The following BICRAL variants were observed in gnomAD, a reference collection of about 807,000 sequenced individuals.
BICRAL encodes BICRA like chromatin remodeling complex associated protein, also known as BRD4-interacting chromatin-remodeling complex-associated protein-like.
Under a neutral mutation model 91.8 loss-of-function variants are expected in BICRAL, and 8 were observed. The observed-to-expected ratio is 0.09, with a 90% confidence interval of 0.05 to 0.16. BICRAL has a LOEUF of 0.16. Ranked by LOEUF, BICRAL falls within the 10% of genes least tolerant of loss-of-function variation. BICRAL has a pLI of 1.00. For synonymous variants in BICRAL, 445 were observed against 491.1 expected, an observed-to-expected ratio of 0.91 and a Z score of 1.24; for missense variants, 1,038 against 1,310.9, an observed-to-expected ratio of 0.79 and a Z score of 3.21.
intron 6 of BICRAL, among the ~76,000 whole-genome samples, chr6:42,840,219 T>TTTTG (rs143931324): frequency 0.021 from 3,228 of 150,374 alleles, 37 homozygotes; most frequent in Non-Finnish European, 0.031. Context: ...TTTTGTTCTT[T>TTTTG]TTTGTTTGTT....
chr6:42,752,016 A>G (rs796944889), intron 1 of BICRAL, among the ~76,000 whole-genome samples: 4 of 151,634 alleles, frequency 2.6e-5, no homozygotes, highest in African/African-American at 9.7e-5. Context: ...ATCTTTCAGC[A>G]AGTCTTGACT....
Position 42,828,932 on chromosome 6 carries a change from A to G in BICRAL, c.599A>G (p.His200Arg), listed in dbSNP as rs368277645. The part of the protein sequence containing the change: ...QHVGISVPSQ[H>R]LSNSSQISGS... ...GTGGGGATCAGTGTTCCCAGCCAGC[A>G]TTTGTCTAATAGCAGTCAGATTAGT... The change falls in exon 6 of 13, where the codon CAT becomes CGT. Residue 200 changes from histidine to arginine, a missense_variant. Transcript: ENST00000314073. 28 of 1,614,044 alleles carry G rather than the reference A, an allele frequency of 1.7e-5. No homozygotes were observed. Among genetic ancestry groups the G allele is most frequent in the Middle Eastern group, 1.6e-4 (1 of 6,084 alleles).
rs899572082 is a variant in BICRAL, at chr6:42,821,936, A to G, written c.-5-82A>G. ...ACAGTTATTTATCCAGAAAAGTGTAAGGCATACTTTTGTATTGCATTGATA... is the reference window on the plus strand; with the variant it reads ...ACAGTTATTTATCCAGAAAAGTGTAGGGCATACTTTTGTATTGCATTGATA... On this transcript the variant is annotated intron_variant, in intron 2 of 12. Coordinates refer to ENST00000314073, the MANE Select transcript of BICRAL (RefSeq NM_001393499.1). The G allele has an allele frequency of 2.9e-5, 22 of 767,696 alleles. No homozygotes were observed. The African/African-American group carries it at 3.8e-4, about 13-fold the overall frequency. The allele number at this position is 767,696 out of a possible 1,614,324, so 47.6% of individuals were successfully genotyped here.
intron 5 of BICRAL, among the ~76,000 whole-genome samples, chr6:42,827,506 T>A (rs1764338329): frequency 6.6e-6 from 1 of 152,246 alleles, no homozygotes; most frequent in South Asian, 2.1e-4. Flanking sequence ...GAGTATTAAT[T>A]CTATCTTTTC....
At chr6:42,784,102 A>T (rs577594509) in intron 1 of BICRAL, among the ~76,000 whole-genome samples, 1 of 152,302 alleles carries the variant, frequency 6.6e-6, no homozygotes, top group South Asian at 2.1e-4. Flanking sequence ...AGATTACGGG[A>T]AGGTGATGGG....
At position 42,864,845 on chromosome 6, in the gene BICRAL, T is replaced by G; in HGVS notation, c.2639T>G (p.Leu880Arg). The change falls in exon 13 of 13, where the codon CTA becomes CGA. Residue 880 changes from leucine to arginine, a missense_variant. By Grantham distance (102) the Leu-to-Arg change is moderately radical (BLOSUM62 -2). This residue lies in a region of BICRAL where 294 missense variants were observed against 292.6 expected (regional missense o/e 1.00). Coordinates refer to ENST00000314073, the MANE Select transcript of BICRAL (RefSeq NM_001393499.1). ...CCCATGAATCATGACCAGTTTCATC[T>G]AGTGCCTAATCACATCGTGGTCTCT... The part of the protein sequence containing the change: ...TEPMNHDQFH[L>R]VPNHIVVSAE... 1 of 1,614,146 alleles carries G rather than the reference T, an allele frequency of 6.2e-7. No homozygotes were observed.
chr6:42,828,812 G>A lies in BICRAL; in HGVS notation c.479G>A (p.Gly160Asp), dbSNP rs754099853. ...GCTTCTAATGTTTCTAATTACTCAGGTCAGACGCTGCAGCCTATAGGGGTG... is the reference window on the plus strand; with the variant it reads ...GCTTCTAATGTTTCTAATTACTCAGATCAGACGCTGCAGCCTATAGGGGTG... ...TQASNVSNYS[G>D]QTLQPIGVTH... The change falls in exon 6 of 13, where the codon GGT becomes GAT. Residue 160 changes from glycine (G) to aspartate (D), a missense_variant. This residue lies in a region of BICRAL where 532 missense variants were observed against 724.9 expected (regional missense o/e 0.73). Transcript: ENST00000314073. The A allele has an allele frequency of 6.2e-7, 1 of 1,614,164 alleles. No homozygotes were observed. The highest frequency in any genetic ancestry group is 8.5e-7 in the Non-Finnish European group (1 of 1,180,040).
At position 42,814,845 on chromosome 6, in the gene BICRAL, AT is replaced by A. The variant is rs370722033; in HGVS notation, c.-6+4447del. 5.5e-3 allele frequency among the ~76,000 whole-genome samples: 833 copies of A among 152,106 alleles called. 3 individuals carry two copies. Among genetic ancestry groups the A allele is most frequent in the African/African-American group, 0.017 (721 of 41,494 alleles). On this transcript the variant is annotated intron_variant, in intron 2 of 12. Transcript: ENST00000314073. ...AGCAGATAAAGGAGGAAACAAAAAC[AT>A]TTGTAATAGTGGCCACATACCAAAT...
At position 42,868,523 on chromosome 6, in the gene BICRAL, C is replaced by G. The variant is rs2114062276; in HGVS notation, c.*3077C>G. ...TTTAGTTGGAGATTACAAATTGAAACAACCATTGCAATACAGCCAAAGATT... is the reference window on the plus strand; with the variant it reads ...TTTAGTTGGAGATTACAAATTGAAAGAACCATTGCAATACAGCCAAAGATT... On this transcript the variant is annotated 3_prime_UTR_variant, in exon 13 of 13. Transcript: ENST00000314073. 6.6e-6 allele frequency: 1 copy of G among 152,594 alleles called. No individual in the cohort carries two copies. The highest frequency in any genetic ancestry group is 2.4e-5 in the African/African-American group (1 of 41,492). 9.5% of individuals were successfully genotyped at this position (152,594 alleles called of 1,614,324 possible).
chr6:42,860,582 C>T (rs972056520), intron 11 of BICRAL, among the ~76,000 whole-genome samples: 21 of 152,268 alleles, frequency 1.4e-4, no homozygotes, highest in African/African-American at 5.1e-4. Context: ...ATAAGGAAAC[C>T]AGGGCTTTGG....
chr6:42,771,594 A>G (rs1435104346), intron 1 of BICRAL, among the ~76,000 whole-genome samples: 1 of 152,168 alleles, frequency 6.6e-6, no homozygotes, highest in Non-Finnish European at 1.5e-5. Context: ...TTGTTTGCCC[A>G]CATTTGCACT....
intron 5 of BICRAL, among the ~76,000 whole-genome samples, chr6:42,824,145 C>T (rs973372819): frequency 3.3e-5 from 5 of 151,448 alleles, no homozygotes; most frequent in African/African-American, 7.3e-5. Context: ...GCAGGAGAAT[C>T]GCTTGAACCA....
intron 1 of BICRAL, among the ~76,000 whole-genome samples, chr6:42,755,046 C>T (rs952381792): frequency 6.6e-6 from 1 of 152,148 alleles, no homozygotes; most frequent in Non-Finnish European, 1.5e-5. Flanking sequence ...ATAGTTTCTG[C>T]GTCCTCTATA....
intron 10 of BICRAL, among the ~76,000 whole-genome samples, chr6:42,859,778 A>C (rs1235922745): frequency 6.6e-6 from 1 of 151,774 alleles, no homozygotes; most frequent in Non-Finnish European, 1.5e-5. Context: ...AGTAGCTGGG[A>C]CTAGAGGTGC....
chr6:42,792,086 A>G (rs982618876), intron 1 of BICRAL, among the ~76,000 whole-genome samples: 13 of 152,204 alleles, frequency 8.5e-5, no homozygotes, highest in African/African-American at 3.1e-4. Context: ...GTTACCATGA[A>G]TGAAGCTTGG....
intron 6 of BICRAL, among the ~76,000 whole-genome samples, chr6:42,847,385 A>G (rs1765044035): frequency 6.6e-6 from 1 of 152,184 alleles, no homozygotes; most frequent in Non-Finnish European, 1.5e-5. Flanking sequence ...TTTTTCATGA[A>G]TGGGTGTTGC....
intron 1 of BICRAL, among the ~76,000 whole-genome samples, chr6:42,782,750 G>A (rs920879355): frequency 2.0e-5 from 3 of 151,782 alleles, no homozygotes; most frequent in Admixed American, 6.6e-5. Context: ...CGGAGCCGCC[G>A]GGAGCCGGGA....
chr6:42,790,100 C>T (rs1763225775), intron 1 of BICRAL, among the ~76,000 whole-genome samples: 1 of 151,922 alleles, frequency 6.6e-6, no homozygotes, highest in South Asian at 2.1e-4. Flanking sequence ...GATCTGTGCA[C>T]GTGATGAGAA....
upstream of BICRAL, among the ~76,000 whole-genome samples, chr6:42,780,047 T>C (rs1020659202): frequency 2.6e-5 from 4 of 152,120 alleles, no homozygotes; most frequent in African/African-American, 9.7e-5. Flanking sequence ...ACTACAGGCA[T>C]GTGCCACACA....
Sources: allele counts gnomAD v4.1 joint callset (sites outside exome capture counted in the v4.1 genomes callset), GRCh38; gene constraint gnomAD v4.1.1; regional missense constraint gnomAD v4.1.1; transcripts MANE v1.5; gene names NCBI Gene and HGNC (gene_info 2026-07-23, HGNC 2026-07-21).